Variants in TSPAN6 observed in about 807,000 individuals in gnomAD.
TSPAN6 encodes tetraspanin 6, also known as tetraspanin-6.
Under a neutral mutation model 18.0 loss-of-function variants are expected in TSPAN6, and 13 were observed. The ratio of observed to expected loss-of-function variants is 0.72; its 90% CI spans 0.47 to 1.15. The LOEUF is 1.15. Ranked by LOEUF, TSPAN6 falls within the 50% of genes most tolerant of loss-of-function variation. TSPAN6 has a pLI of 0.00. For synonymous variants in TSPAN6, 82 were observed against 67.0 expected (o/e 1.22, Z -1.09); for missense variants, 186 against 183.9 (o/e 1.01, Z -0.07).
rs372279006 is a variant in TSPAN6 at position 100,633,918 on chromosome X, G to A, written c.450+13C>T. 3.4e-5 allele frequency: 39 copies of A among 1,133,078 alleles called. No homozygotes were observed. The African/African-American group carries it at 6.7e-4, about 19-fold the overall frequency. The allele number at this position is 1,133,078 out of a possible 1,213,427, so 93.4% of individuals were successfully genotyped here. ...GGGAATGTGTTCCCCTCTAGGTGGT[G>A]GTTACCACTTACCGTATTTTGGATC... On this transcript the variant is annotated intron_variant, in intron 4 of 7. Coordinates refer to ENST00000373020, the MANE Select transcript of TSPAN6 (RefSeq NM_003270.4).
intron 7 of TSPAN6, among the ~76,000 whole-genome samples, chrX:100,630,517 C>T (rs1435258688): frequency 2.7e-5 from 3 of 111,816 alleles, no homozygotes; most frequent in Non-Finnish European, 5.6e-5. Flanking sequence ...TAAACCCACA[C>T]GGGGAGTCTT....
Position 100,635,626 on chromosome X carries a change from C to A in TSPAN6, c.208G>T (p.Val70Phe). Residue 70 changes from valine (V) to phenylalanine (F), a missense_variant, in exon 2 of 8, where the codon GTC becomes TTC. By Grantham distance (50) the Val-to-Phe change is conservative. Coordinates refer to ENST00000373020, the MANE Select transcript of TSPAN6 (RefSeq NM_003270.4). Reference sequence around the variant, plus strand: ...CCAAAGGTGCCCAAAAGAATAATGACGGTACCAGTAGCAATGAGCACGAAG... The same window carrying A: ...CCAAAGGTGCCCAAAAGAATAATGAAGGTACCAGTAGCAATGAGCACGAAG... The part of the protein sequence containing the change: ...VPFVLIATGT[V>F]IILLGTFGCF... The A allele has an allele frequency of 8.3e-7, 1 of 1,202,380 alleles. No homozygotes were observed. The highest frequency in any genetic ancestry group is 1.1e-6 in the Non-Finnish European group (1 of 890,135).
In TSPAN6 at chrX:100,627,590, T is replaced by C. The variant is rs1369754564; in HGVS notation, c.*2436A>G. ...GAACTTTCCTTTGTACCAGTTATCA[T>C]TAGGTGAAATGTTTCCTCATTACTT... On this transcript the variant is annotated 3_prime_UTR_variant, in exon 8 of 8. Transcript: ENST00000373020. The C allele has an allele frequency of 9.0e-6, 1 of 111,251 alleles. No individual in the cohort carries two copies. The highest frequency in any genetic ancestry group is 1.9e-5 in the Non-Finnish European group (1 of 53,086). 9.2% of individuals were successfully genotyped at this position (111,251 alleles called of 1,213,427 possible).
intron 1 of TSPAN6, chrX:100,636,342 C>A (rs1410043242): frequency 2.1e-6 from 2 of 937,827 alleles, no homozygotes; most frequent in African/African-American, 4.1e-5. Flanking sequence ...CACCTCGCCT[C>A]CCGTATCGAA....
At chrX:100,630,248 G>A (rs1301059333) in intron 7 of TSPAN6, among the ~76,000 whole-genome samples, 1 of 111,681 alleles carries the variant, frequency 9.0e-6, no homozygotes, top group East Asian at 2.8e-4. Flanking sequence ...ATGAGTTTAC[G>A]GTTTTAACAA....
At position 100,634,175 on chromosome X, in the gene TSPAN6, C is replaced by A. The variant is rs1302243228; in HGVS notation, c.352-146G>T. 10 of 416,289 alleles carry A rather than the reference C, an allele frequency of 2.4e-5. No individual in the cohort carries two copies. The East Asian group carries it at 4.0e-4, about 16-fold the overall frequency. 34.3% of individuals were successfully genotyped at this position (416,289 alleles called of 1,213,427 possible). A position where few individuals can be genotyped will look rare whatever the true frequency, so the allele number is the denominator to read the frequency against. ...ATTAACTTCCATGGTACAGTCCTGT[C>A]CTCTAAGGGGTATAGGTTAGCTGAG... is the stretch of plus-strand genomic sequence containing the variant. On this transcript the variant is annotated intron_variant, in intron 3 of 7. Coordinates refer to ENST00000373020, the MANE Select transcript of TSPAN6 (RefSeq NM_003270.4).
chrX:100,636,935 C>T (rs1314091952), upstream of TSPAN6: 1 of 252,534 alleles, frequency 4.0e-6, no homozygotes, highest in East Asian at 6.2e-5. Flanking sequence ...GTTCTAGTGT[C>T]GGAAATTTCA....
rs1212432849 is a variant in TSPAN6 at position 100,629,920 on chromosome X, C to T, written c.*106G>A. ...CTACTGGTGTAGTTTTTTGGTCTATCAGTAAGTAGTGTTGTCAGTTCTCCA... is the reference window on the plus strand; with the variant it reads ...CTACTGGTGTAGTTTTTTGGTCTATTAGTAAGTAGTGTTGTCAGTTCTCCA... On this transcript the variant is annotated 3_prime_UTR_variant, in exon 8 of 8. Transcript: ENST00000373020. The T allele has an allele frequency of 6.2e-5, 45 of 723,097 alleles. No homozygotes were observed. The highest frequency in any genetic ancestry group is 6.9e-5 in the Non-Finnish European group (42 of 612,061). 59.6% of individuals were successfully genotyped at this position (723,097 alleles called of 1,213,427 possible). A position where few individuals can be genotyped will look rare whatever the true frequency, so the allele number is the denominator to read the frequency against.
rs149815050 is a variant in TSPAN6 at position 100,635,569 on chromosome X, T to C, written c.265A>G (p.Met89Val). ...CFATCRASAWMLKLYAMFLTL... is the reference protein window; with the variant it reads ...CFATCRASAWVLKLYAMFLTL... Reference sequence around the variant, plus strand: ...AAACAAGGACTCACCAGTTTTAGCATCCATGCAGAAGCTCGGCAGGTAGCA... The same window carrying C: ...AAACAAGGACTCACCAGTTTTAGCACCCATGCAGAAGCTCGGCAGGTAGCA... The change falls in exon 2 of 8, where the codon ATG (methionine) becomes GTG (valine). Residue 89 changes from methionine to valine, a missense_variant. Met to Val is a conservative substitution (Grantham distance 21). Coordinates refer to ENST00000373020, the MANE Select transcript of TSPAN6 (RefSeq NM_003270.4). 1.3e-5 allele frequency: 16 copies of C among 1,188,903 alleles called. No homozygotes were observed. The East Asian group carries it at 3.9e-4, about 29-fold the overall frequency.
chrX:100,627,812 ACTT>A lies in TSPAN6; in HGVS notation c.*2211_*2213del, dbSNP rs1233165613. 2 of 108,473 alleles carry A rather than the reference ACTT, an allele frequency of 1.8e-5. No homozygotes were observed. The highest frequency in any genetic ancestry group is 3.4e-5 in the African/African-American group (1 of 29,599). The allele number at this position is 108,473 out of a possible 1,213,427, so 8.9% of individuals were successfully genotyped here. A position where few individuals can be genotyped will look rare whatever the true frequency, so the allele number is the denominator to read the frequency against. ...TTTTCCTTTTTAATAATGAGGGAAAACTTTTTTTTTTTTTCTGAGATGCAGGTT... is the reference window on the plus strand; with the variant it reads ...TTTTCCTTTTTAATAATGAGGGAAAATTTTTTTTTTTCTGAGATGCAGGTT... On this transcript the variant is annotated 3_prime_UTR_variant, in exon 8 of 8. Coordinates refer to ENST00000373020, the MANE Select transcript of TSPAN6 (RefSeq NM_003270.4).
intron 2 of TSPAN6, 142 bp downstream of exon 2, chrX:100,635,416 G>A: frequency 1.5e-6 from 1 of 661,919 alleles, no homozygotes; most frequent in Non-Finnish European, 2.3e-6. Flanking sequence ...GTGGAAACTG[G>A]CAGCTGAACT....
chrX:100,636,504 A>T (rs1490328580), intron 1 of TSPAN6, 104 bp downstream of exon 1: 1 of 1,027,269 alleles, frequency 9.7e-7, no homozygotes, highest in Non-Finnish European at 1.2e-6. Context: ...TGGCCGCCCA[A>T]ACCCCACACC....
At chrX:100,632,405 CA>C (rs368085755) in intron 6 of TSPAN6, 79 bp downstream of exon 6, 23,098 of 564,678 alleles carry the variant, frequency 0.041, no homozygotes, top group Non-Finnish European at 0.044. Context: ...GACTCCATCT[CA>C]AAAAAAAAAA....
chrX:100,635,931 T>C (rs2083091894), intron 1 of TSPAN6, among the ~76,000 whole-genome samples, 185 bp from the exon 2 acceptor site: 1 of 111,993 alleles, frequency 8.9e-6, no homozygotes, highest in Non-Finnish European at 1.9e-5. Flanking sequence ...CCAGGTATCT[T>C]ATCAAAATTC....
chrX:100,630,957 T>C, intron 6 of TSPAN6, 91 bp from the exon 7 acceptor site: 1 of 695,379 alleles, frequency 1.4e-6, no homozygotes, highest in South Asian at 2.5e-5. Flanking sequence ...AATTCGCTTA[T>C]AATTTTCGTC....
chrX:100,636,447 G>A, intron 1 of TSPAN6, 161 bp downstream of exon 1: 1 of 1,014,519 alleles, frequency 9.9e-7, no homozygotes, highest in Non-Finnish European at 1.3e-6. Flanking sequence ...TGAGCTCTTT[G>A]TTCGGGGCCC....
rs913313788 is a variant in TSPAN6, at chrX:100,629,062, T to C, written c.*964A>G. 2 of 111,993 alleles carry C rather than the reference T, an allele frequency of 1.8e-5. No individual in the cohort carries two copies. The highest frequency in any genetic ancestry group is 1.9e-5 in the Non-Finnish European group (1 of 53,239). The allele number at this position is 111,993 out of a possible 1,213,427, so 9.2% of individuals were successfully genotyped here. A position where few individuals can be genotyped will look rare whatever the true frequency, so the allele number is the denominator to read the frequency against. On this transcript the variant is annotated 3_prime_UTR_variant, in exon 8 of 8. Coordinates refer to ENST00000373020, the MANE Select transcript of TSPAN6 (RefSeq NM_003270.4). ...AGCAGTATTTATTGTATAAGAGTTA[T>C]ACTTATTAATCAAAGGCACAAACGA... is the stretch of plus-strand genomic sequence containing the variant.
At chrX:100,632,665 GAT>G in intron 5 of TSPAN6, 97 bp from the exon 6 acceptor site, 2 of 548,537 alleles carry the variant, frequency 3.6e-6, no homozygotes, top group Non-Finnish European at 6.0e-6. Flanking sequence ...TCTGCAGAAA[GAT>G]ATATTTATGG....
chrX:100,635,609 G>T lies in TSPAN6; in HGVS notation c.225C>A (p.Gly75=). The T allele has an allele frequency of 3.3e-6, 4 of 1,202,884 alleles. No homozygotes were observed. Among genetic ancestry groups the T allele is most frequent in the Non-Finnish European group, 4.5e-6 (4 of 890,073 alleles). ...GGCAGGTAGCAAAACAACCAAAGGT[G>T]CCCAAAAGAATAATGACGGTACCAG... ...IATGTVIILL[G]TFGCFATCRA... Residue 75 remains glycine, a synonymous_variant, in exon 2 of 8, where the codon GGC becomes GGA. Coordinates refer to ENST00000373020, the MANE Select transcript of TSPAN6 (RefSeq NM_003270.4).
Sources: gnomAD v4.1 joint callset for allele counts (sites outside exome capture counted in the v4.1 genomes callset) on GRCh38, gnomAD v4.1.1 for gene constraint, MANE v1.5 for transcripts, NCBI Gene and HGNC (gene_info 2026-07-23, HGNC 2026-07-21) for gene names.